Variants in NEBL observed in about 807,000 individuals in gnomAD.
NEBL encodes the protein nebulette.
In NEBL, 122 loss-of-function variants were observed where a neutral mutation model predicts 140.2. The ratio of observed to expected loss-of-function variants is 0.87; its 90% CI spans 0.75 to 1.01. NEBL has a LOEUF of 1.01. Among genes scored for constraint, NEBL ranks in the 50% least tolerant of loss-of-function variants. The pLI is 0.00. For missense variants in NEBL, 1,365 were observed against 1,231.3 expected, an observed-to-expected ratio of 1.11 and a Z score of -1.62; for synonymous variants, 436 against 398.9, an observed-to-expected ratio of 1.09 and a Z score of -1.11.
chr10:20,875,584 T>C (rs1845419345), intron 5 of NEBL, among the ~76,000 whole-genome samples: 1 of 152,196 alleles, frequency 6.6e-6, no homozygotes, highest in Non-Finnish European at 1.5e-5. Context: ...TGAGACTCTC[T>C]GGTAGGTGAG....
intron 3 of NEBL, among the ~76,000 whole-genome samples, chr10:21,186,881 A>AT (rs899999571): frequency 2.0e-5 from 3 of 152,072 alleles, no homozygotes; most frequent in Non-Finnish European, 4.4e-5. Context: ...GGGAAAAAAA[A>AT]GCCTGTACAT....
In NEBL at chr10:21,230,151, T is replaced by C. The variant is rs896581114; in HGVS notation, n.348+17770A>G. ...CCCATAAAAATAATTCAAATATACC[T>C]GTGAGATTCTCACCCTAGTTTTCCA... On this transcript the variant is annotated intron_variant and non_coding_transcript_variant, in intron 3 of 8. Coordinates refer to the NEBL transcript ENST00000675702. Among the ~76,000 whole-genome samples the C allele has an allele frequency of 2.6e-5, 4 of 152,210 alleles. 1 individual carries two copies. Among genetic ancestry groups the C allele is most frequent in the African/African-American group, 9.7e-5 (4 of 41,448 alleles).
chr10:20,977,087 GT>G (rs971995850), intron 3 of NEBL, among the ~76,000 whole-genome samples: 4 of 152,052 alleles, frequency 2.6e-5, no homozygotes, highest in African/African-American at 9.7e-5. Flanking sequence ...CAAAGATAAA[GT>G]TTCCAGTCCA....
intron 2 of NEBL, among the ~76,000 whole-genome samples, chr10:21,138,770 G>A (rs1839476558): frequency 6.6e-6 from 1 of 150,434 alleles, no homozygotes; most frequent in South Asian, 2.1e-4. Context: ...GAACTCAAGT[G>A]CAGCTGATTC....
At chr10:21,096,488 AGTGTGTGTGTGTGTGT>A (rs10541564) in intron 2 of NEBL, among the ~76,000 whole-genome samples, 1 of 141,480 alleles carries the variant, frequency 7.1e-6, no homozygotes, top group African/African-American at 2.5e-5. Flanking sequence ...CTTGGTTTTG[AGTGTGTGTGTGTGTGT>A]GTGTGTGTGT....
At position 21,195,046 on chromosome 10, in the gene NEBL, G is replaced by A. The variant is rs146326367; in HGVS notation, n.349-22569C>T. Among the ~76,000 whole-genome samples the A allele has an allele frequency of 5.3e-5, 8 of 152,220 alleles. No homozygotes were observed. In the East Asian group the frequency reaches 1.4e-3, roughly 26 times the overall value. On this transcript the variant is annotated intron_variant and non_coding_transcript_variant, in intron 3 of 8. Transcript: ENST00000675702. ...AATGGGACACAGGAGAGAAGTGCAC[G>A]GGAGTCATTGAAACGACTCCCACTT...
chr10:21,281,618 C>T (rs1842995314), intron 1 of NEBL, among the ~76,000 whole-genome samples: 1 of 152,100 alleles, frequency 6.6e-6, no homozygotes, highest in African/African-American at 2.4e-5. Flanking sequence ...CACATCCTGA[C>T]ATCCCACACC....
At chr10:21,013,544 T>C (rs1486150729) in intron 3 of NEBL, among the ~76,000 whole-genome samples, 1 of 152,128 alleles carries the variant, frequency 6.6e-6, no homozygotes, top group African/African-American at 2.4e-5. Flanking sequence ...GGAGAAGCAG[T>C]GTTTGTGTTT....
intron 2 of NEBL, among the ~76,000 whole-genome samples, chr10:21,087,789 A>G (rs2131955256): frequency 6.6e-6 from 1 of 152,342 alleles, no homozygotes; most frequent in Admixed American, 6.5e-5. Flanking sequence ...TACAATATTT[A>G]AGTGCCTTAG....
intron 3 of NEBL, among the ~76,000 whole-genome samples, chr10:20,996,798 G>A (rs906336791): frequency 6.6e-6 from 1 of 152,062 alleles, no homozygotes; most frequent in Non-Finnish European, 1.5e-5. Flanking sequence ...AAGACTAATG[G>A]TAAATCTAAA....
Position 21,114,687 on chromosome 10 carries a change from G to A in NEBL, c.164+57696C>T, listed in dbSNP as rs558924419. 5.3e-5 allele frequency among the ~76,000 whole-genome samples: 8 copies of A among 152,000 alleles called. 1 individual carries two copies. The South Asian group carries it at 8.3e-4, about 16-fold the overall frequency. ...TAATATTCCTTGCTCAGAAATATAC[G>A]TTGTCCCATATGCATACAGCTACTC... is the stretch of plus-strand genomic sequence containing the variant. On this transcript the variant is annotated intron_variant, in intron 2 of 6. Transcript: ENST00000417816.
At chr10:21,050,280 C>CT (rs369264298) in intron 2 of NEBL, among the ~76,000 whole-genome samples, 160 of 151,632 alleles carry the variant, frequency 1.1e-3, no homozygotes, top group Middle Eastern at 0.01. Context: ...CTGTTGGCAA[C>CT]TTTTTTTTTA....
intron 4 of NEBL, among the ~76,000 whole-genome samples, chr10:20,952,904 CAA>C (rs34713711): frequency 1.6e-5 from 1 of 62,356 alleles, no homozygotes; most frequent in Non-Finnish European, 2.8e-5. Context: ...GACCCTGTCT[CAA>C]AAAAAAAAAA....
chr10:20,877,647 T>C (rs1342972333), intron 5 of NEBL, among the ~76,000 whole-genome samples: 1 of 152,176 alleles, frequency 6.6e-6, no homozygotes, highest in Non-Finnish European at 1.5e-5. Flanking sequence ...CCTTTTCCTT[T>C]CCAACCATGT....
chr10:21,288,765 A>AC (rs1330020882), intron 1 of NEBL, among the ~76,000 whole-genome samples: 2 of 135,266 alleles, frequency 1.5e-5, no homozygotes, highest in Non-Finnish European at 3.2e-5. Flanking sequence ...ATCGCCAAAA[A>AC]AAAAAAAAAG....
intron 2 of NEBL, among the ~76,000 whole-genome samples, chr10:21,078,484 T>C (rs769285965): frequency 2.6e-4 from 40 of 152,220 alleles, no homozygotes; most frequent in Non-Finnish European, 5.0e-4. Flanking sequence ...TGCCATCGTG[T>C]ACAGTATTTG....
In NEBL at chr10:20,850,251, T is replaced by TG. The variant is rs1443776971; in HGVS notation, c.1116+143dup. Reference sequence around the variant, plus strand: ...ATGACCTAGACAAGATCCCAGGCAGTGGGTGGCTGGGTCTAGAAAGCAGGT... The same window carrying TG: ...ATGACCTAGACAAGATCCCAGGCAGTGGGGTGGCTGGGTCTAGAAAGCAGGT... On this transcript the variant is annotated intron_variant, in intron 11 of 27. Transcript: ENST00000377122. 10 of 675,106 alleles carry TG rather than the reference T, an allele frequency of 1.5e-5. No individual in the cohort carries two copies. In the East Asian group the frequency reaches 2.1e-4, roughly 14 times the overall value. 41.8% of individuals were successfully genotyped at this position (675,106 alleles called of 1,614,324 possible). A position where few individuals can be genotyped will look rare whatever the true frequency, so the allele number is the denominator to read the frequency against.
intron 26 of NEBL, among the ~76,000 whole-genome samples, chr10:20,802,613 G>A (rs1374102168): frequency 8.5e-5 from 13 of 152,136 alleles, no homozygotes; most frequent in Admixed American, 8.5e-4. Context: ...TAACCAAAAT[G>A]ATGATGAAAA....
chr10:21,248,307 G>T (rs1430335524), intron 2 of NEBL, among the ~76,000 whole-genome samples: 2 of 150,080 alleles, frequency 1.3e-5, no homozygotes, highest in African/African-American at 2.5e-5. Flanking sequence ...TCCTTCTATT[G>T]CTCATACTTT....
Sources: gnomAD v4.1 joint callset for allele counts (sites outside exome capture counted in the v4.1 genomes callset) on GRCh38, gnomAD v4.1.1 for gene constraint, MANE v1.5 for transcripts, NCBI Gene and HGNC (gene_info 2026-07-23, HGNC 2026-07-21) for gene names.